NKAIN2: variants seen among roughly 807,000 people sequenced by gnomAD.
The protein encoded by NKAIN2 is sodium/potassium transporting ATPase interacting 2.
A neutral mutation model predicts 32.6 loss-of-function variants in NKAIN2; 14 were observed. That is an observed-to-expected ratio of 0.43 (90% CI 0.28 to 0.67). The LOEUF is 0.67. Ranked by LOEUF, NKAIN2 falls within the 30% of genes least tolerant of loss-of-function variation. NKAIN2 has a pLI of 0.17. For missense variants in NKAIN2, 198 were observed against 258.3 expected, an observed-to-expected ratio of 0.77 and a Z score of 1.60; for synonymous variants, 80 against 87.2, an observed-to-expected ratio of 0.92 and a Z score of 0.46.
chr6:124,415,571 G>A (rs1000577318), intron 3 of NKAIN2, among the ~76,000 whole-genome samples: 10 of 152,112 alleles, frequency 6.6e-5, no homozygotes, highest in African/African-American at 2.4e-4. Flanking sequence ...TTAAACCAAT[G>A]GCCATTGAGA....
chr6:124,370,889 A>G (rs1799731048), intron 3 of NKAIN2, among the ~76,000 whole-genome samples: 1 of 152,142 alleles, frequency 6.6e-6, no homozygotes, highest in Non-Finnish European at 1.5e-5. Context: ...GATTCACCAG[A>G]AAGCCTACAG....
chr6:124,751,751 G>A (rs933604108), intron 4 of NKAIN2, among the ~76,000 whole-genome samples: 2 of 151,842 alleles, frequency 1.3e-5, no homozygotes, highest in African/African-American at 4.8e-5. Flanking sequence ...GGCTAAGGCA[G>A]GAGGATTGCT....
In NKAIN2 at chr6:123,910,499, G is replaced by GTTTTTTTTTTTTTTTTTT. The variant is rs35165515; in HGVS notation, c.54+106251_54+106268dup. ...TTTGAGGACATTACCTGCAATGCATGTTTTTTTTTTTTTTTTTTTTTTTGA... is the reference window on the plus strand; with the variant it reads ...TTTGAGGACATTACCTGCAATGCATGTTTTTTTTTTTTTTTTTTTTTTTTTTTTTTTTTTTTTTTTTGA... On this transcript the variant is annotated intron_variant, in intron 1 of 6. Transcript: ENST00000368417. Among the ~76,000 whole-genome samples, 9 of 81,316 alleles carry GTTTTTTTTTTTTTTTTTT rather than the reference G, an allele frequency of 1.1e-4. 1 individual carries two copies. Among genetic ancestry groups the GTTTTTTTTTTTTTTTTTT allele is most frequent in the South Asian group, 5.0e-4 (1 of 2,014 alleles). 53.3% of individuals were successfully genotyped at this position (81,316 alleles called of 152,430 possible). A position where few individuals can be genotyped will look rare whatever the true frequency, so the allele number is the denominator to read the frequency against.
At chr6:124,776,667 A>G (rs1235577517) in intron 4 of NKAIN2, among the ~76,000 whole-genome samples, 2 of 152,166 alleles carry the variant, frequency 1.3e-5, no homozygotes, top group African/African-American at 2.4e-5. Flanking sequence ...CCACTTTAAT[A>G]TAGCCTGAAC....
intron 1 of NKAIN2, among the ~76,000 whole-genome samples, chr6:124,231,629 T>A (rs1291508786): frequency 6.6e-6 from 1 of 152,120 alleles, no homozygotes; most frequent in Non-Finnish European, 1.5e-5. Flanking sequence ...ATCTGATGTT[T>A]TAAAAATGGG....
At chr6:124,726,510 G>A (rs1776322013) in intron 4 of NKAIN2, among the ~76,000 whole-genome samples, 3 of 150,674 alleles carry the variant, frequency 2.0e-5, no homozygotes, top group Admixed American at 1.3e-4. Flanking sequence ...GCTGTTAGAA[G>A]GAAAACTAAC....
intron 4 of NKAIN2, among the ~76,000 whole-genome samples, chr6:124,761,533 C>T (rs1778266197): frequency 6.6e-6 from 1 of 152,156 alleles, no homozygotes; most frequent in South Asian, 2.1e-4. Context: ...CATAATATTA[C>T]ATATTTCTAT....
chr6:124,776,979 T>C (rs913951675), intron 4 of NKAIN2, among the ~76,000 whole-genome samples: 1 of 152,170 alleles, frequency 6.6e-6, no homozygotes, highest in Admixed American at 6.5e-5. Context: ...GGCTTAGATG[T>C]TGTATTATCA....
chr6:124,815,993 G>T (rs1781145819), intron 5 of NKAIN2, among the ~76,000 whole-genome samples: 1 of 152,160 alleles, frequency 6.6e-6, no homozygotes, highest in Admixed American at 6.5e-5. Context: ...AAAGGGAAAA[G>T]CAGAATTAAA....
intron 3 of NKAIN2, among the ~76,000 whole-genome samples, chr6:124,642,075 C>G (rs994020949): frequency 6.6e-6 from 1 of 152,048 alleles, no homozygotes; most frequent in African/African-American, 2.4e-5. Context: ...GTTGAAGACT[C>G]TAACAAAGTA....
At chr6:124,175,799 A>G (rs1364427417) in intron 1 of NKAIN2, among the ~76,000 whole-genome samples, 1 of 152,138 alleles carries the variant, frequency 6.6e-6, no homozygotes, top group East Asian at 1.9e-4. Flanking sequence ...ACGATTTGCT[A>G]AATAAACTTG....
At chr6:124,642,146 A>G (rs1420332799) in intron 3 of NKAIN2, among the ~76,000 whole-genome samples, 2 of 152,110 alleles carry the variant, frequency 1.3e-5, no homozygotes, top group Non-Finnish European at 2.9e-5. Flanking sequence ...ACACCTTTGA[A>G]TTTTTTAGTG....
At chr6:124,754,814 A>G (rs879749561) in intron 4 of NKAIN2, among the ~76,000 whole-genome samples, 9 of 152,178 alleles carry the variant, frequency 5.9e-5, no homozygotes, top group Non-Finnish European at 1.2e-4. Flanking sequence ...AAATCATTCT[A>G]TCAGAAACAC....
At chr6:124,228,154 G>C (rs1792220267) in intron 1 of NKAIN2, among the ~76,000 whole-genome samples, 1 of 152,056 alleles carries the variant, frequency 6.6e-6, no homozygotes, top group African/African-American at 2.4e-5. Context: ...GAATGTTTTT[G>C]GTTCCCCCAA....
At chr6:124,468,643 A>G (rs1776854634) in intron 3 of NKAIN2, among the ~76,000 whole-genome samples, 2 of 152,184 alleles carry the variant, frequency 1.3e-5, no homozygotes, top group African/African-American at 4.8e-5. Context: ...TAATTGAAAG[A>G]AAAGAAAAAA....
At chr6:123,937,419 AT>A (rs1230686444) in intron 1 of NKAIN2, among the ~76,000 whole-genome samples, 1 of 152,070 alleles carries the variant, frequency 6.6e-6, no homozygotes, top group Non-Finnish European at 1.5e-5. Context: ...TACTCTTCTA[AT>A]TAAATTTGAA....
intron 1 of NKAIN2, among the ~76,000 whole-genome samples, chr6:123,900,453 C>G (rs1479418097): frequency 6.9e-6 from 1 of 145,262 alleles, no homozygotes; most frequent in East Asian, 2.1e-4. Flanking sequence ...AGCCTGGTGA[C>G]AGAGCGAGAC....
At chr6:124,326,520 T>G (rs187087752) in intron 2 of NKAIN2, among the ~76,000 whole-genome samples, 434 of 152,258 alleles carry the variant, frequency 2.9e-3, no homozygotes, top group Non-Finnish European at 4.7e-3. Flanking sequence ...CAATTCTATT[T>G]TTCAAGACAA....
intron 1 of NKAIN2, among the ~76,000 whole-genome samples, chr6:123,981,917 C>A (rs1204544956): frequency 3.9e-5 from 6 of 152,088 alleles, no homozygotes; most frequent in Non-Finnish European, 7.4e-5. Flanking sequence ...ATTTAATGAA[C>A]TGGCCAGTAT....
Sources: allele counts gnomAD v4.1 joint callset (sites outside exome capture counted in the v4.1 genomes callset), GRCh38; gene constraint gnomAD v4.1.1; transcripts MANE v1.5; gene names NCBI Gene and HGNC (gene_info 2026-07-23, HGNC 2026-07-21).